FAM3B: variants seen among roughly 807,000 people sequenced by gnomAD.
FAM3B encodes FAM3 metabolism regulating signaling molecule B.
In FAM3B, 29 loss-of-function variants were observed where a neutral mutation model predicts 28.4. The observed-to-expected ratio is 1.02, with a 90% CI of 0.76 to 1.39. FAM3B has a LOEUF of 1.39. Ranked by LOEUF, FAM3B falls within the 40% of genes most tolerant of loss-of-function variation. The probability of loss-of-function intolerance (pLI) is 0.00; values close to 1 mark genes in which losing one functional copy is unlikely to be tolerated. For synonymous variants in FAM3B, 91 were observed against 103.0 expected (o/e 0.88, Z 0.71); for missense variants, 266 against 293.9 (o/e 0.91, Z 0.69).
intron 1 of FAM3B, among the ~76,000 whole-genome samples, chr21:41,317,654 A>G (rs1334627640): frequency 1.3e-5 from 2 of 152,074 alleles, no homozygotes; most frequent in Non-Finnish European, 2.9e-5. Flanking sequence ...GGCTGTGTAA[A>G]ATGGCAGGTT....
chr21:41,323,080 T>G lies in FAM3B; in HGVS notation c.163+14T>G, dbSNP rs201667711. ...CTGTCCTCAAAGGTGAGTGCCGTGC[T>G]TGGGGCAGACGGCTGCCTTCATGGC... is the stretch of plus-strand genomic sequence containing the variant. On this transcript the variant is annotated intron_variant, in intron 2 of 7. Transcript: ENST00000357985. 129 of 1,601,118 alleles carry G rather than the reference T, an allele frequency of 8.1e-5. No homozygotes were observed. The highest frequency in any genetic ancestry group is 1.1e-4 in the Non-Finnish European group (125 of 1,179,482).
chr21:41,316,783 C>A (rs2088752717), upstream of FAM3B: 10 of 1,263,116 alleles, frequency 7.9e-6, no homozygotes, highest in Non-Finnish European at 1.0e-5. Context: ...CCCGACACGA[C>A]CGCTGCCCGC....
chr21:41,335,681 A>G (rs2088949725), intron 2 of FAM3B, among the ~76,000 whole-genome samples: 1 of 152,170 alleles, frequency 6.6e-6, no homozygotes, highest in African/African-American at 2.4e-5. Context: ...AGTCTCAGGT[A>G]TTTCTTTATA....
intron 4 of FAM3B, 95 bp from the exon 5 acceptor site, chr21:41,345,591 C>A: frequency 1.4e-6 from 1 of 697,318 alleles, no homozygotes; most frequent in Non-Finnish European, 2.4e-6. Flanking sequence ...TGGAGATAGA[C>A]AGGGAAGAAA....
At chr21:41,334,156 G>A (rs1270345054) in intron 2 of FAM3B, among the ~76,000 whole-genome samples, 3 of 152,212 alleles carry the variant, frequency 2.0e-5, no homozygotes. Context: ...TAAAGGGGAA[G>A]CAGAGCATAA....
At chr21:41,308,299 T>C (rs2123682873) in intron 1 of FAM3B, among the ~76,000 whole-genome samples, 1 of 152,238 alleles carries the variant, frequency 6.6e-6, no homozygotes, top group South Asian at 2.1e-4. Context: ...TCACTGCCCC[T>C]GTTGTGTAGA....
chr21:41,341,329 T>G (rs2089005482), intron 3 of FAM3B, among the ~76,000 whole-genome samples: 1 of 152,270 alleles, frequency 6.6e-6, no homozygotes, highest in Non-Finnish European at 1.5e-5. Context: ...GAATATATCA[T>G]TTTGTAATAA....
chr21:41,355,827 A>G (rs932830957), intron 7 of FAM3B, among the ~76,000 whole-genome samples: 22 of 152,212 alleles, frequency 1.4e-4, no homozygotes, highest in African/African-American at 5.3e-4. Context: ...GGATTTTACT[A>G]TGTGAATTAT....
chr21:41,320,531 C>G (rs529987404), intron 1 of FAM3B: 2 of 152,450 alleles, frequency 1.3e-5, no homozygotes, highest in South Asian at 2.1e-4. Flanking sequence ...TGCCCTCCCT[C>G]TAGCGGCTGG....
At chr21:41,310,446 G>A (rs142991807) in intron 1 of FAM3B, among the ~76,000 whole-genome samples, 1 of 152,274 alleles carries the variant, frequency 6.6e-6, no homozygotes, top group East Asian at 1.9e-4. Flanking sequence ...TAGAATGTGA[G>A]TGGCACAAGT....
intron 2 of FAM3B, among the ~76,000 whole-genome samples, chr21:41,329,968 G>A (rs191722932): frequency 6.9e-6 from 1 of 145,148 alleles, no homozygotes; most frequent in East Asian, 1.9e-4. Flanking sequence ...AGTAAATACA[G>A]TAAGATATTT....
intron 2 of FAM3B, among the ~76,000 whole-genome samples, chr21:41,337,598 G>A (rs1198209984): frequency 1.3e-5 from 2 of 152,170 alleles, no homozygotes; most frequent in Non-Finnish European, 2.9e-5. Flanking sequence ...TGGTGGTCAG[G>A]TGTATGTGGT....
chr21:41,334,616 T>A (rs2088936682), intron 2 of FAM3B, among the ~76,000 whole-genome samples: 1 of 152,074 alleles, frequency 6.6e-6, no homozygotes, highest in Admixed American at 6.5e-5. Context: ...AGAGACTATA[T>A]GGGAAATCCT....
chr21:41,314,989 G>A (rs145419767), upstream of FAM3B, among the ~76,000 whole-genome samples: 126 of 152,286 alleles, frequency 8.3e-4, 1 homozygote, highest in Non-Finnish European at 1.6e-3. Flanking sequence ...GCACACCCAT[G>A]TTCATAGCAG....
intron 3 of FAM3B, among the ~76,000 whole-genome samples, chr21:41,342,676 T>C (rs2089018528): frequency 6.6e-6 from 1 of 152,272 alleles, no homozygotes; most frequent in African/African-American, 2.4e-5. Context: ...TCTGGTTCTT[T>C]TTAAAATCAG....
chr21:41,341,301 T>C (rs2089005281), intron 3 of FAM3B, among the ~76,000 whole-genome samples: 1 of 152,256 alleles, frequency 6.6e-6, no homozygotes, highest in Non-Finnish European at 1.5e-5. Flanking sequence ...CCAGTAATGC[T>C]GCAATAAATA....
chr21:41,330,134 GAAAAAA>G (rs3037004), intron 2 of FAM3B, among the ~76,000 whole-genome samples: 5 of 138,774 alleles, frequency 3.6e-5, no homozygotes, highest in Non-Finnish European at 6.2e-5. Flanking sequence ...GTCTGTATAG[GAAAAAA>G]AAAAAAAAAA....
At chr21:41,338,243 ACCCTT>A in intron 2 of FAM3B, 130 bp from the exon 3 acceptor site, 1 of 949,592 alleles carries the variant, frequency 1.1e-6, no homozygotes, top group Non-Finnish European at 1.6e-6. Flanking sequence ...AAGTCTGGAA[ACCCTT>A]CCCCCTCAGG....
rs117345788 is a variant in FAM3B at position 41,306,632 on chromosome 21, G to A, written n.99+2322G>A. Among the ~76,000 whole-genome samples the A allele has an allele frequency of 3.1e-3, 478 of 152,164 alleles. 3 individuals are homozygous for A. The highest frequency in any genetic ancestry group is 0.021 in the East Asian group (111 of 5,184). Reference sequence around the variant, plus strand: ...AATGTTTTCAAAGGAATTTTTTTTCGAAGCAGTAGATCTCAACAGTGGGCT... The same window carrying A: ...AATGTTTTCAAAGGAATTTTTTTTCAAAGCAGTAGATCTCAACAGTGGGCT... On this transcript the variant is annotated intron_variant and non_coding_transcript_variant, in intron 1 of 9. Transcript: ENST00000479810.
Sources: gnomAD v4.1 joint callset for allele counts (sites outside exome capture counted in the v4.1 genomes callset) on GRCh38, gnomAD v4.1.1 for gene constraint, MANE v1.5 for transcripts, NCBI Gene and HGNC (gene_info 2026-07-23, HGNC 2026-07-21) for gene names.